ECM2: variants seen among roughly 807,000 people sequenced by gnomAD.
The protein encoded by ECM2 is extracellular matrix protein 2.
ECM2 carries 57 observed loss-of-function variants against 67.5 expected under a neutral mutation model. That is an observed-to-expected ratio of 0.84 (90% CI 0.68 to 1.05). The LOEUF (loss-of-function observed/expected upper bound fraction) is 1.05. ECM2 is among the 50% of genes least tolerant of loss of function. The probability of loss-of-function intolerance (pLI) is 0.00; values close to 1 mark genes in which losing one functional copy is unlikely to be tolerated. For missense variants in ECM2, 741 were observed against 822.8 expected, an observed-to-expected ratio of 0.90 and a Z score of 1.22; for synonymous variants, 258 against 294.5, an observed-to-expected ratio of 0.88 and a Z score of 1.27.
Position 92,522,861 on chromosome 9 carries a change from C to A in ECM2, c.6G>T (p.Lys2Asn). Residue 2 changes from lysine (K) to asparagine (N), a missense_variant, in exon 2 of 10, where the codon AAG (lysine) becomes AAT (asparagine). Coordinates refer to ENST00000344604, the MANE Select transcript of ECM2 (RefSeq NM_001393.4). ...GAAAAAAACAAAACAAAACTGCAAT[C>A]TTCATGTTTGATTTTTTTCCACCAG... M[K>N]IAVLFCFFLL... is the part of the protein sequence containing the mutation. The A allele has an allele frequency of 6.3e-7, 1 of 1,592,470 alleles. No individual in the cohort carries two copies. The highest frequency in any genetic ancestry group is 8.5e-7 in the Non-Finnish European group (1 of 1,172,828).
intron 2 of ECM2, among the ~76,000 whole-genome samples, chr9:92,519,102 A>T (rs1237154717): frequency 6.6e-6 from 1 of 152,044 alleles, no homozygotes; most frequent in African/African-American, 2.4e-5. Context: ...CCCCCAAATG[A>T]GCCTCTCACA....
At chr9:92,531,061 G>C (rs533698913) in intron 1 of ECM2, among the ~76,000 whole-genome samples, 92 of 152,196 alleles carry the variant, frequency 6.0e-4, no homozygotes, top group Non-Finnish European at 1.0e-3. Context: ...ATATTGTGGA[G>C]TTTTTTAATG....
At chr9:92,518,350 A>G (rs1447227225) in intron 2 of ECM2, among the ~76,000 whole-genome samples, 1 of 152,150 alleles carries the variant, frequency 6.6e-6, no homozygotes, top group Non-Finnish European at 1.5e-5. Context: ...GTCTAATTAT[A>G]CTGACCAAAG....
At chr9:92,544,390 C>A in the ECM2 span, among the ~76,000 whole-genome samples, 1 of 152,158 alleles carries the variant, frequency 6.6e-6, no homozygotes, top group Non-Finnish European at 1.5e-5. Flanking sequence ...GCACGAGAAT[C>A]GCTTGAATCT....
At chr9:92,541,531 G>C (rs1236998510), upstream of ECM2, among the ~76,000 whole-genome samples, 2 of 150,296 alleles carry the variant, frequency 1.3e-5, no homozygotes, top group Admixed American at 1.3e-4. Context: ...TGGCTAATTT[G>C]AGTTAGATTT....
Position 92,500,729 on chromosome 9 carries a change from T to C in ECM2, c.1929A>G (p.Ile643Met), listed in dbSNP as rs370627896. ...TACTTGAAAAAGCCAAAATTTACCGTATCTTGTTGTTGTTCAGCCTCAGAA... is the reference window on the plus strand; with the variant it reads ...TACTTGAAAAAGCCAAAATTTACCGCATCTTGTTGTTGTTCAGCCTCAGAA... ...LHFLRLNNNK[I>M]RNILPEEICN... Residue 643 changes from isoleucine to methionine, a missense_variant and splice_region_variant, in exon 9 of 10, where the codon ATA becomes ATG. Ile to Met is a conservative substitution (Grantham distance 10). Coordinates refer to ENST00000344604, the MANE Select transcript of ECM2 (RefSeq NM_001393.4). 1.9e-6 allele frequency: 3 copies of C among 1,603,002 alleles called. No individual in the cohort carries two copies. The highest frequency in any genetic ancestry group is 2.6e-6 in the Non-Finnish European group (3 of 1,172,684).
At chr9:92,521,585 A>G (rs1427100351) in intron 2 of ECM2, among the ~76,000 whole-genome samples, 5 of 152,172 alleles carry the variant, frequency 3.3e-5, no homozygotes, top group Admixed American at 3.3e-4. Flanking sequence ...ATTCTTTTGA[A>G]AGTTTTATTT....
chr9:92,500,689 C>A (rs1240765580), intron 9 of ECM2, 38 bp downstream of exon 9: 1 of 1,571,546 alleles, frequency 6.4e-7, no homozygotes, highest in South Asian at 1.2e-5. Context: ...TTTTGCCAAC[C>A]AAAATTTAAA....
At chr9:92,542,190 G>T in the ECM2 span, among the ~76,000 whole-genome samples, 1 of 152,150 alleles carries the variant, frequency 6.6e-6, no homozygotes, top group Non-Finnish European at 1.5e-5. Context: ...TTCTATAATG[G>T]CTCCTTTCTT....
At chr9:92,547,914 T>C in the ECM2 span, among the ~76,000 whole-genome samples, 1 of 152,106 alleles carries the variant, frequency 6.6e-6, no homozygotes, top group East Asian at 1.9e-4. Context: ...GCCAGTGTGG[T>C]AAAGCAAGAA....
chr9:92,497,028 G>C (rs1424542330), intron 9 of ECM2, among the ~76,000 whole-genome samples: 1 of 151,686 alleles, frequency 6.6e-6, no homozygotes, highest in Non-Finnish European at 1.5e-5. Flanking sequence ...ATGCAAAATG[G>C]TGCGCCACCT....
rs575274402 is a variant in ECM2 at position 92,495,444 on chromosome 9, C to A, written c.*871G>T. ...AAGGCAAAGGAGATAGATGCTATGA[C>A]CAGTGGTGCAAAATTTTTCAAAAAT... is the stretch of plus-strand genomic sequence containing the variant. On this transcript the variant is annotated 3_prime_UTR_variant, in exon 10 of 10. Coordinates refer to ENST00000344604, the MANE Select transcript of ECM2 (RefSeq NM_001393.4). 2.0e-6 allele frequency: 2 copies of A among 985,010 alleles called. No homozygotes were observed. The highest frequency in any genetic ancestry group is 3.5e-5 in the African/African-American group (2 of 57,170). The allele number at this position is 985,010 out of a possible 1,614,324, so 61.0% of individuals were successfully genotyped here.
At chr9:92,532,899 A>G (rs990626861) in intron 1 of ECM2, among the ~76,000 whole-genome samples, 2 of 152,098 alleles carry the variant, frequency 1.3e-5, no homozygotes, top group Admixed American at 6.6e-5. Context: ...CAGATATTGT[A>G]TATGAAAATA....
At position 92,502,531 on chromosome 9, in the gene ECM2, A is replaced by G. The variant is rs1846743993; in HGVS notation, c.1586T>C (p.Leu529Ser). The change falls in exon 8 of 10, where the codon TTA becomes TCA. Residue 529 changes from leucine to serine, a missense_variant. Coordinates refer to ENST00000344604, the MANE Select transcript of ECM2 (RefSeq NM_001393.4). ...TACTTACTCTTGATTTATCCAGGCT[A>G]AAGGAGCAATCCTATTTTCTTCAAT... ...NKIEENRIAP[L>S]AWINQENLES... 2 of 1,613,044 alleles carry G rather than the reference A, an allele frequency of 1.2e-6. No individual in the cohort carries two copies. The highest frequency in any genetic ancestry group is 1.7e-6 in the Non-Finnish European group (2 of 1,179,508).
rs75352686 is a variant in ECM2, at chr9:92,533,225, G to A, written c.-28+2708C>T. ...TGAGGCAGGAGAATCACTTGAACCC[G>A]GGAGGTGGAGGTTGCAGTGAGCCGA... On this transcript the variant is annotated intron_variant, in intron 1 of 9. Transcript: ENST00000344604. Among the ~76,000 whole-genome samples, 647 of 140,352 alleles carry A rather than the reference G, an allele frequency of 4.6e-3. 4 individuals are homozygous for A. The highest frequency in any genetic ancestry group is 0.015 in the African/African-American group (554 of 37,362). The allele number at this position is 140,352 out of a possible 152,430, so 92.1% of individuals were successfully genotyped here.
the ECM2 span, among the ~76,000 whole-genome samples, chr9:92,556,355 G>A: frequency 2.0e-5 from 3 of 152,144 alleles, no homozygotes; most frequent in African/African-American, 7.2e-5. Context: ...AATAGAATGT[G>A]TATTCTGCAG....
At chr9:92,552,215 A>ACCCC in the ECM2 span, among the ~76,000 whole-genome samples, 2 of 146,808 alleles carry the variant, frequency 1.4e-5, no homozygotes, top group African/African-American at 5.1e-5. Context: ...ACACACACAC[A>ACCCC]CCCCACAGTT....
At chr9:92,551,430 C>T in the ECM2 span, among the ~76,000 whole-genome samples, 3 of 152,114 alleles carry the variant, frequency 2.0e-5, no homozygotes, top group Non-Finnish European at 4.4e-5. Context: ...TTCAACCTCC[C>T]AGGCTCAAAC....
chr9:92,537,645 G>A (rs1396172258), upstream of ECM2, among the ~76,000 whole-genome samples: 2 of 152,060 alleles, frequency 1.3e-5, no homozygotes, highest in African/African-American at 4.8e-5. Flanking sequence ...GGGCAACAGA[G>A]CGAGACTACA....
Sources: allele counts gnomAD v4.1 joint callset (sites outside exome capture counted in the v4.1 genomes callset), GRCh38; gene constraint gnomAD v4.1.1; transcripts MANE v1.5; gene names NCBI Gene and HGNC (gene_info 2026-07-23, HGNC 2026-07-21).